PDE8B: variants seen among roughly 807,000 people sequenced by gnomAD.
The protein encoded by PDE8B is high affinity cAMP-specific and IBMX-insensitive 3',5'-cyclic phosphodiesterase 8B.
Under a neutral mutation model 101.3 loss-of-function variants are expected in PDE8B, and 26 were observed. That is an observed-to-expected ratio of 0.26 (90% CI 0.19 to 0.36). PDE8B has a LOEUF of 0.36. Among genes scored for constraint, PDE8B ranks in the 10% least tolerant of loss-of-function variants. PDE8B has a pLI of 1.00. For missense variants in PDE8B, 810 were observed against 1,163.1 expected (o/e 0.70, Z 4.42); for synonymous variants, 424 against 429.3 (o/e 0.99, Z 0.15).
At chr5:77,171,376 C>T in the PDE8B span, among the ~76,000 whole-genome samples, 8 of 152,274 alleles carry the variant, frequency 5.3e-5, no homozygotes, top group Admixed American at 2.6e-4. Context: ...TGTGGCTTCT[C>T]GGAATTTGAA....
chr5:77,140,220 C>T, the PDE8B span: 4 of 152,170 alleles, frequency 2.6e-5, no homozygotes, highest in South Asian at 8.3e-4. Context: ...TTCTGTATGA[C>T]CTTTTTTTAA....
the PDE8B span, among the ~76,000 whole-genome samples, chr5:77,168,649 T>C: frequency 6.6e-6 from 1 of 152,216 alleles, no homozygotes; most frequent in East Asian, 1.9e-4. Flanking sequence ...GGGAAGAGAA[T>C]GGCATGTGTG....
chr5:77,160,463 T>C, the PDE8B span, among the ~76,000 whole-genome samples: 1 of 152,178 alleles, frequency 6.6e-6, no homozygotes, highest in Non-Finnish European at 1.5e-5. Context: ...TAAGTGGAAC[T>C]GCACAGTCCA....
intron 1 of PDE8B, among the ~76,000 whole-genome samples, chr5:77,278,450 G>C (rs1280358639): frequency 6.6e-6 from 1 of 152,174 alleles, no homozygotes; most frequent in Non-Finnish European, 1.5e-5. Flanking sequence ...AAGACTCCAT[G>C]TTATTTTTTA....
the PDE8B span, among the ~76,000 whole-genome samples, chr5:77,188,210 A>G: frequency 6.6e-6 from 1 of 152,356 alleles, no homozygotes; most frequent in East Asian, 1.9e-4. Flanking sequence ...AGTACTTTAG[A>G]AAGTTGAGGA....
chr5:77,161,705 T>TA, the PDE8B span, among the ~76,000 whole-genome samples: 5 of 152,264 alleles, frequency 3.3e-5, no homozygotes, highest in South Asian at 8.3e-4. Context: ...GGCAAACTCT[T>TA]AAAAGAAATA....
chr5:77,378,612 CAG>C (rs1269451764), intron 10 of PDE8B, among the ~76,000 whole-genome samples: 1 of 152,102 alleles, frequency 6.6e-6, no homozygotes, highest in Admixed American at 6.6e-5. Context: ...ATTCAGTAGT[CAG>C]AGAGCTTGCG....
At chr5:77,283,015 A>G (rs1258421898) in intron 1 of PDE8B, among the ~76,000 whole-genome samples, 1 of 152,174 alleles carries the variant, frequency 6.6e-6, no homozygotes, top group Non-Finnish European at 1.5e-5. Flanking sequence ...ACATTCTCCC[A>G]GAGTAGCAAT....
chr5:77,092,868 C>T, the PDE8B span, among the ~76,000 whole-genome samples: 10 of 152,138 alleles, frequency 6.6e-5, no homozygotes, highest in African/African-American at 1.2e-4. Context: ...TGCAGTGAGA[C>T]CTGATCACAT....
intron 6 of PDE8B, among the ~76,000 whole-genome samples, chr5:77,343,967 C>T (rs1401588433): frequency 1.4e-5 from 2 of 147,662 alleles, no homozygotes; most frequent in East Asian, 4.1e-4. Flanking sequence ...TCATCAATAT[C>T]ACTGACTTCC....
At chr5:77,091,801 G>A in the PDE8B span, among the ~76,000 whole-genome samples, 1 of 152,138 alleles carries the variant, frequency 6.6e-6, no homozygotes, top group Non-Finnish European at 1.5e-5. Context: ...ATTGCTTTGA[G>A]TGTCTAAAAG....
intron 17 of PDE8B, 120 bp from the exon 18 acceptor site, chr5:77,418,109 C>A (rs1263179281): frequency 4.1e-6 from 3 of 730,900 alleles, no homozygotes; most frequent in Non-Finnish European, 4.9e-6. Context: ...GAAGGCTCAG[C>A]TGGCTAAAAA....
At chr5:77,205,719 T>A (rs755946876), upstream of PDE8B, among the ~76,000 whole-genome samples, 1 of 152,220 alleles carries the variant, frequency 6.6e-6, no homozygotes, top group Non-Finnish European at 1.5e-5. Flanking sequence ...TGTCGTTTCT[T>A]GTCTACACCA....
At chr5:77,343,504 G>C (rs1049628864) in intron 6 of PDE8B, among the ~76,000 whole-genome samples, 1 of 152,180 alleles carries the variant, frequency 6.6e-6, no homozygotes, top group Non-Finnish European at 1.5e-5. Flanking sequence ...AGTATAAAAA[G>C]AGTTAAAATG....
intron 1 of PDE8B, among the ~76,000 whole-genome samples, chr5:77,287,377 GT>G (rs1766240133): frequency 6.6e-6 from 1 of 151,494 alleles, no homozygotes; most frequent in Non-Finnish European, 1.5e-5. Flanking sequence ...ATTTTTAAAC[GT>G]TTTTCACCTA....
the PDE8B span, among the ~76,000 whole-genome samples, chr5:77,154,112 T>C: frequency 3.9e-5 from 6 of 152,326 alleles, no homozygotes; most frequent in Middle Eastern, 3.4e-3. Context: ...TACAAAACCC[T>C]AAAGAATTTC....
chr5:77,375,970 G>A (rs1786044750), intron 10 of PDE8B, among the ~76,000 whole-genome samples: 1 of 134,496 alleles, frequency 7.4e-6, no homozygotes, highest in African/African-American at 2.8e-5. Flanking sequence ...TCGGCTCACC[G>A]CAACCTCCGC....
At chr5:77,204,096 A>T in the PDE8B span, among the ~76,000 whole-genome samples, 36 of 149,102 alleles carry the variant, frequency 2.4e-4, no homozygotes, top group Non-Finnish European at 4.5e-4. Flanking sequence ...ATACCTAAAA[A>T]CCTCAAAGTG....
At position 77,404,817 on chromosome 5, in the gene PDE8B, C is replaced by T. The variant is rs754261758; in HGVS notation, c.1288+20C>T. ...GTGATGGTAAGATGTTTTTCAGATT[C>T]CTCTGACCTTTTTAAAATGTAGAAA... is the stretch of plus-strand genomic sequence containing the variant. On this transcript the variant is annotated intron_variant, in intron 12 of 21. Transcript: ENST00000264917. 1 of 1,467,264 alleles carries T rather than the reference C, an allele frequency of 6.8e-7. No homozygotes were observed. Among genetic ancestry groups the T allele is most frequent in the African/African-American group, 1.4e-5 (1 of 72,022 alleles). 90.9% of individuals were successfully genotyped at this position (1,467,264 alleles called of 1,614,324 possible).
Sources: allele counts gnomAD v4.1 joint callset (sites outside exome capture counted in the v4.1 genomes callset), GRCh38; gene constraint gnomAD v4.1.1; transcripts MANE v1.5; gene names NCBI Gene and HGNC (gene_info 2026-07-23, HGNC 2026-07-21).